PDZD2: variants seen among roughly 807,000 people sequenced by gnomAD.
PDZD2 encodes the protein PDZ domain-containing protein 2.
In PDZD2, 90 loss-of-function variants were observed where a neutral mutation model predicts 220.7. The ratio of observed to expected loss-of-function variants is 0.41; its 90% CI spans 0.34 to 0.49. PDZD2 has a LOEUF of 0.49. Ranked by LOEUF, PDZD2 falls within the 20% of genes least tolerant of loss-of-function variation. The pLI, the probability that PDZD2 is intolerant of heterozygous loss-of-function variation, is 0.28. For missense variants in PDZD2, 3,174 were observed against 3,608.5 expected (o/e 0.88, Z 3.08); for synonymous variants, 1,375 against 1,450.5 (o/e 0.95, Z 1.18).
chr5:31,645,639 T>A (rs1352639387), intron 1 of PDZD2, among the ~76,000 whole-genome samples: 6 of 152,300 alleles, frequency 3.9e-5, no homozygotes, highest in African/African-American at 1.4e-4. Context: ...CCGGCTGGTC[T>A]CATTTTTACC....
chr5:31,950,454 G>C (rs1747083239), intron 2 of PDZD2, among the ~76,000 whole-genome samples: 2 of 152,122 alleles, frequency 1.3e-5, no homozygotes, highest in Admixed American at 6.5e-5. Flanking sequence ...GATAGAAGAT[G>C]GTATGGGAAG....
At chr5:31,756,566 C>A (rs531549757) in intron 1 of PDZD2, among the ~76,000 whole-genome samples, 3 of 152,288 alleles carry the variant, frequency 2.0e-5, no homozygotes, top group Admixed American at 6.5e-5. Context: ...TGGTGGATAC[C>A]AGACCTCCTC....
At chr5:31,677,716 G>T (rs1348014321) in intron 1 of PDZD2, among the ~76,000 whole-genome samples, 1 of 152,120 alleles carries the variant, frequency 6.6e-6, no homozygotes, top group East Asian at 1.9e-4. Context: ...GCAACAATGT[G>T]GATGAATCTC....
At chr5:31,989,423 T>TTTTTTTTTTTTTTTTTTTTTTTTTTA (rs1751015447) in intron 3 of PDZD2, among the ~76,000 whole-genome samples, 1 of 134,702 alleles carries the variant, frequency 7.4e-6, no homozygotes, top group African/African-American at 3.3e-5. Context: ...TTTCTTTTCT[T>TTTTTTTTTTTTTTTTTTTTTTTTTTA]TTTTTTTTTT....
chr5:31,866,519 G>C (rs1738246607), intron 2 of PDZD2, among the ~76,000 whole-genome samples: 1 of 152,148 alleles, frequency 6.6e-6, no homozygotes, highest in South Asian at 2.1e-4. Flanking sequence ...CCTCACAGCT[G>C]CTTAGGAGCC....
At chr5:31,833,646 A>G (rs77396154) in intron 2 of PDZD2, among the ~76,000 whole-genome samples, 2 of 4,610 alleles carry the variant, frequency 4.3e-4, no homozygotes, top group South Asian at 5.2e-3. Context: ...AAAAAAAAAA[A>G]AAAAGAAAAG....
Position 32,098,723 on chromosome 5 carries a change from C to CT in PDZD2, c.8218+90dup. ...GAACATGAAGGAAAATAACAGCTAACTAACTTCTAGATCTGAAAAATTAAA... is the reference window on the plus strand; with the variant it reads ...GAACATGAAGGAAAATAACAGCTAACTTAACTTCTAGATCTGAAAAATTAAA... On this transcript the variant is annotated intron_variant, in intron 23 of 24. Coordinates refer to ENST00000438447, the MANE Select transcript of PDZD2 (RefSeq NM_178140.4). This position sits in a 1 kb window ranked among gnomAD's most constrained non-coding sequence, Gnocchi z 4.1. 8.4e-7 allele frequency: 1 copy of CT among 1,197,162 alleles called. No individual in the cohort carries two copies. The highest frequency in any genetic ancestry group is 1.5e-5 in the African/African-American group (1 of 65,580). 74.2% of individuals were successfully genotyped at this position (1,197,162 alleles called of 1,614,324 possible).
Position 32,048,646 on chromosome 5 carries a change from T to A in PDZD2, c.1627T>A (p.Ser543Thr). ...LEVSRDGRKH[S>T]LPQLLDSSSA... ...GGTCTCCCGAGATGGCCGGAAACACTCCCTCCCGCAGCTGCTGGACTCTTC... is the reference window on the plus strand; with the variant it reads ...GGTCTCCCGAGATGGCCGGAAACACACCCTCCCGCAGCTGCTGGACTCTTC... The change falls in exon 8 of 25, where the codon TCC (serine) becomes ACC (threonine). Residue 543 changes from serine to threonine, a missense_variant. Ser to Thr is a moderately conservative substitution (Grantham distance 58). This residue lies in a region of PDZD2 where 632 missense variants were observed against 708.1 expected (regional missense o/e 0.89). Transcript: ENST00000438447. 6.2e-7 allele frequency: 1 copy of A among 1,613,954 alleles called. No homozygotes were observed. Among genetic ancestry groups the A allele is most frequent in the Non-Finnish European group, 8.5e-7 (1 of 1,179,958 alleles).
Position 32,074,122 on chromosome 5 carries a change from A to T in PDZD2, c.3016A>T (p.Ile1006Phe). The T allele has an allele frequency of 6.2e-7, 1 of 1,614,172 alleles. No individual in the cohort carries two copies. The highest frequency in any genetic ancestry group is 8.5e-7 in the Non-Finnish European group (1 of 1,180,028). ...LSEDDPRRVSISSSKGMDVHN... is the reference protein window; with the variant it reads ...LSEDDPRRVSFSSSKGMDVHN... The stretch of plus-strand genomic sequence containing the variant: ...AGAGGATGACCCGAGGCGTGTCTCA[A>T]TTTCCTCTTCCAAGGGCATGGACGT... The change falls in exon 18 of 25, where the codon ATT (isoleucine) becomes TTT (phenylalanine). Residue 1006 changes from isoleucine (I) to phenylalanine (F), a missense_variant. Coordinates refer to ENST00000438447, the MANE Select transcript of PDZD2 (RefSeq NM_178140.4).
intron 2 of PDZD2, among the ~76,000 whole-genome samples, chr5:31,873,531 C>CTTTT (rs1169811629): frequency 5.0e-4 from 69 of 137,040 alleles, no homozygotes; most frequent in Non-Finnish European, 8.8e-4. Context: ...ATTGAAAATT[C>CTTTT]TTTTTATTTA....
At chr5:31,712,223 C>T (rs780305085) in intron 1 of PDZD2, 1 of 152,266 alleles carries the variant, frequency 6.6e-6, no homozygotes, top group African/African-American at 2.4e-5. Flanking sequence ...CCATGCCAAA[C>T]TCAGCGGCTG....
intron 2 of PDZD2, among the ~76,000 whole-genome samples, chr5:31,863,424 C>T (rs774734978): frequency 3.3e-5 from 5 of 152,170 alleles, no homozygotes; most frequent in Non-Finnish European, 7.3e-5. Context: ...GCCTGCCTAG[C>T]GTGGTTTTCC....
chr5:32,009,352 A>T (rs779511132), intron 5 of PDZD2, among the ~76,000 whole-genome samples: 7 of 151,918 alleles, frequency 4.6e-5, no homozygotes, highest in Admixed American at 2.0e-4. Context: ...TCAAAAAAAT[A>T]AAAATTAAAA....
Position 31,799,221 on chromosome 5 carries a change from A to G in PDZD2, c.-28A>G, listed in dbSNP as rs764405338. 7 of 1,502,520 alleles carry G rather than the reference A, an allele frequency of 4.7e-6. No homozygotes were observed. The highest frequency in any genetic ancestry group is 3.7e-5 in the South Asian group (3 of 80,324). 93.1% of individuals were successfully genotyped at this position (1,502,520 alleles called of 1,614,324 possible). A position where few individuals can be genotyped will look rare whatever the true frequency, so the allele number is the denominator to read the frequency against. ...CTGGCCCCCAGGAGCAAGACCTCTG[A>G]TGATGCTGGTGTCTGGGAGTGAGCA... On this transcript the variant is annotated 5_prime_UTR_variant, in exon 2 of 25. The change abolishes an upstream ATG in the 5' untranslated region. Transcript: ENST00000438447.
intron 6 of PDZD2, among the ~76,000 whole-genome samples, chr5:32,029,466 C>A (rs1243109922): frequency 6.6e-6 from 1 of 151,600 alleles, no homozygotes. Context: ...CTTCCCTAAT[C>A]CCAGTTTTTA....
intron 10 of PDZD2, among the ~76,000 whole-genome samples, chr5:32,056,042 T>C (rs1376820444): frequency 6.6e-6 from 1 of 152,244 alleles, no homozygotes; most frequent in Non-Finnish European, 1.5e-5. Flanking sequence ...GAAACGTAAG[T>C]CATTGGAATG....
chr5:31,644,528 G>A (rs199818381), intron 1 of PDZD2, among the ~76,000 whole-genome samples: 20 of 152,342 alleles, frequency 1.3e-4, no homozygotes, highest in East Asian at 1.9e-4. Context: ...TGAGCCGAGA[G>A]ATGGTTTGTT....
intron 13 of PDZD2, among the ~76,000 whole-genome samples, chr5:32,060,712 T>C (rs1739596962): frequency 1.4e-5 from 2 of 146,380 alleles, no homozygotes; most frequent in African/African-American, 5.2e-5. Flanking sequence ...GCATATAGTA[T>C]ATGCTCAAAA....
In PDZD2 at chr5:31,900,012, A is replaced by G. The variant is rs563160880; in HGVS notation, c.477-83143A>G. Among the ~76,000 whole-genome samples, 4 of 152,246 alleles carry G rather than the reference A, an allele frequency of 2.6e-5. No homozygotes were observed. The South Asian group carries it at 6.2e-4, about 24-fold the overall frequency. On this transcript the variant is annotated intron_variant, in intron 2 of 24. Transcript: ENST00000438447. ...GGTGTTTTTCTGTCAATTGAGAAGA[A>G]TAACACTGAGATTTGTTGCCGGACT... is the stretch of plus-strand genomic sequence containing the variant.
Sources: allele counts gnomAD v4.1 joint callset (sites outside exome capture counted in the v4.1 genomes callset), GRCh38; gene constraint gnomAD v4.1.1; regional missense constraint gnomAD v4.1.1; non-coding constraint Gnocchi (gnomAD v3.1); transcripts MANE v1.5; gene names NCBI Gene and HGNC (gene_info 2026-07-23, HGNC 2026-07-21).